Variants in ADGRB3 observed in about 807,000 individuals in gnomAD.
The protein encoded by ADGRB3 is brain-specific angiogenesis inhibitor 3.
Under a neutral mutation model 193.4 loss-of-function variants are expected in ADGRB3, and 37 were observed. That is an observed-to-expected ratio of 0.19 (90% CI 0.15 to 0.25). ADGRB3 has a LOEUF of 0.25. ADGRB3 is among the 10% of genes least tolerant of loss of function. ADGRB3 has a pLI of 1.00. For synonymous variants in ADGRB3, 690 were observed against 644.2 expected (o/e 1.07, Z -1.08); for missense variants, 1,637 against 1,852.9 (o/e 0.88, Z 2.14).
intron 3 of ADGRB3, among the ~76,000 whole-genome samples, chr6:68,772,949 AT>A (rs59997184): frequency 0.73 from 75,163 of 102,952 alleles, 28,895 homozygotes; most frequent in East Asian, 0.87. Context: ...ACACACAAAA[AT>A]AAAAAATAAA....
chr6:69,040,351 TTC>T (rs1562133159), intron 13 of ADGRB3, among the ~76,000 whole-genome samples: 2 of 54,554 alleles, frequency 3.7e-5, no homozygotes, highest in Non-Finnish European at 7.6e-5. Flanking sequence ...CTTTCTTTCT[TTC>T]TTTCTTTCTT....
chr6:69,211,170 G>A (rs1469336722), intron 17 of ADGRB3, among the ~76,000 whole-genome samples: 1 of 152,068 alleles, frequency 6.6e-6, no homozygotes, highest in Non-Finnish European at 1.5e-5. Flanking sequence ...TGACTTTCAG[G>A]ACATATTCTT....
At chr6:69,228,508 T>C (rs1271970897) in intron 17 of ADGRB3, among the ~76,000 whole-genome samples, 2 of 152,162 alleles carry the variant, frequency 1.3e-5, no homozygotes, top group African/African-American at 2.4e-5. Context: ...TTTAGAGAAT[T>C]CCTGGAACTA....
chr6:68,883,620 G>C (rs529636204), intron 3 of ADGRB3, among the ~76,000 whole-genome samples: 1 of 152,032 alleles, frequency 6.6e-6, no homozygotes. Context: ...AACAACTCCA[G>C]AGGCACTGCC....
chr6:69,187,064 A>T (rs1325130634), intron 17 of ADGRB3, among the ~76,000 whole-genome samples: 3 of 151,030 alleles, frequency 2.0e-5, no homozygotes, highest in Non-Finnish European at 4.4e-5. Context: ...TTTCTTTCTG[A>T]TTTCCCCTCT....
intron 17 of ADGRB3, among the ~76,000 whole-genome samples, chr6:69,137,056 CT>C (rs71548125): frequency 0.22 from 17,563 of 80,088 alleles, 1,350 homozygotes; most frequent in Middle Eastern, 0.28. Context: ...TCTTTTCTTT[CT>C]TTTTTTTTTT....
intron 17 of ADGRB3, among the ~76,000 whole-genome samples, chr6:69,218,298 A>T (rs547070298): frequency 2.0e-5 from 3 of 152,094 alleles, no homozygotes; most frequent in Admixed American, 6.6e-5. Flanking sequence ...CTATTAGTAA[A>T]TTTTTTCCAT....
At chr6:68,988,843 G>A (rs1034168073) in intron 10 of ADGRB3, among the ~76,000 whole-genome samples, 1 of 152,098 alleles carries the variant, frequency 6.6e-6, no homozygotes, top group Non-Finnish European at 1.5e-5. Context: ...TGCATTCTCA[G>A]GCCTGCAATG....
chr6:68,833,266 CA>C (rs1767986910), intron 3 of ADGRB3, among the ~76,000 whole-genome samples: 1 of 151,568 alleles, frequency 6.6e-6, no homozygotes, highest in South Asian at 2.1e-4. Flanking sequence ...CAAGATAGAA[CA>C]AGCATTTTTT....
intron 17 of ADGRB3, among the ~76,000 whole-genome samples, chr6:69,212,028 C>T (rs1414517749): frequency 6.6e-6 from 1 of 152,160 alleles, no homozygotes; most frequent in Non-Finnish European, 1.5e-5. Flanking sequence ...CTTTTATTCT[C>T]AAATTTATAA....
rs540240809 is a variant in ADGRB3 at position 69,314,288 on chromosome 6, A to T, written c.2815-10584A>T. On this transcript the variant is annotated intron_variant, in intron 20 of 31. Transcript: ENST00000370598. ...TATATCTAACACTTTCTTTCTTTTT[A>T]ATAGTGATGCTTTATATGAATATGA... Among the ~76,000 whole-genome samples, 13 of 151,754 alleles carry T rather than the reference A, an allele frequency of 8.6e-5. No individual in the cohort carries two copies. In the East Asian group the frequency reaches 1.6e-3, roughly 18 times the overall value.
chr6:68,947,076 T>A (rs1767793245), intron 6 of ADGRB3, among the ~76,000 whole-genome samples: 1 of 152,008 alleles, frequency 6.6e-6, no homozygotes, highest in Non-Finnish European at 1.5e-5. Context: ...CTAATTTGCA[T>A]CCCCTGTCTG....
At chr6:68,847,241 G>T (rs1263127191) in intron 3 of ADGRB3, among the ~76,000 whole-genome samples, 1 of 152,142 alleles carries the variant, frequency 6.6e-6, no homozygotes, top group Non-Finnish European at 1.5e-5. Flanking sequence ...TAGGTGGAAG[G>T]GACTTGCCTT....
chr6:69,009,501 T>C (rs1020615899), intron 11 of ADGRB3, among the ~76,000 whole-genome samples: 4 of 151,962 alleles, frequency 2.6e-5, no homozygotes, highest in Non-Finnish European at 5.9e-5. Context: ...GAACTTGGAG[T>C]ACAAATAGAG....
At chr6:69,339,289 G>T in intron 25 of ADGRB3, 44 bp from the exon 26 acceptor site, 1 of 1,596,778 alleles carries the variant, frequency 6.3e-7, no homozygotes, top group Non-Finnish European at 8.6e-7. Flanking sequence ...ATGGCCTGGG[G>T]TGTGATGTAT....
chr6:69,189,574 G>A (rs1032708357), intron 17 of ADGRB3, among the ~76,000 whole-genome samples: 23 of 151,484 alleles, frequency 1.5e-4, no homozygotes, highest in Admixed American at 1.1e-3. Context: ...CTGTGGAAAC[G>A]AATTCCGTCT....
intron 3 of ADGRB3, among the ~76,000 whole-genome samples, chr6:68,646,701 G>T (rs1178398170): frequency 6.6e-6 from 1 of 151,980 alleles, no homozygotes; most frequent in African/African-American, 2.4e-5. Context: ...AAGGAGAATG[G>T]CAAGGAAGAG....
At chr6:68,814,999 A>C (rs1207300393) in intron 3 of ADGRB3, among the ~76,000 whole-genome samples, 3 of 152,128 alleles carry the variant, frequency 2.0e-5, no homozygotes, top group Admixed American at 6.6e-5. Flanking sequence ...AAATAATAAG[A>C]GCTATCTATG....
At chr6:69,261,090 A>G (rs1235365424) in intron 20 of ADGRB3, among the ~76,000 whole-genome samples, 1 of 152,198 alleles carries the variant, frequency 6.6e-6, no homozygotes, top group African/African-American at 2.4e-5. Context: ...GTATTTGAAT[A>G]ATTATATGCA....
Sources: allele counts gnomAD v4.1 joint callset (sites outside exome capture counted in the v4.1 genomes callset), GRCh38; gene constraint gnomAD v4.1.1; transcripts MANE v1.5; gene names NCBI Gene and HGNC (gene_info 2026-07-23, HGNC 2026-07-21).